Variants in DENND4B observed in about 807,000 individuals in gnomAD.
DENND4B encodes the protein DENN domain containing 4B.
A neutral mutation model predicts 161.0 loss-of-function variants in DENND4B; 67 were observed. That is an observed-to-expected ratio of 0.42 (90% CI 0.34 to 0.51). DENND4B has a LOEUF of 0.51. Ranked by LOEUF, DENND4B falls within the 20% of genes least tolerant of loss-of-function variation. DENND4B has a pLI of 0.08. For missense variants in DENND4B, 1,481 were observed against 1,968.0 expected (o/e 0.75, Z 4.68); for synonymous variants, 753 against 813.8 (o/e 0.93, Z 1.27).
At chr1:153,938,822 G>T in intron 13 of DENND4B, 78 bp downstream of exon 13, 1 of 1,498,516 alleles carries the variant, frequency 6.7e-7, no homozygotes, top group Non-Finnish European at 9.1e-7. Context: ...GCCCGATTCC[G>T]TCTAAAATGG....
Position 153,933,899 on chromosome 1 carries a change from A to G in DENND4B, c.2942-28T>C, listed in dbSNP as rs1399182187. The G allele has an allele frequency of 5.6e-6, 9 of 1,596,390 alleles. No homozygotes were observed. Among genetic ancestry groups the G allele is most frequent in the Admixed American group, 3.7e-5 (2 of 53,380 alleles). On this transcript the variant is annotated intron_variant, in intron 19 of 27. Transcript: ENST00000361217. This position sits in a 1 kb window ranked among gnomAD's most constrained non-coding sequence, Gnocchi z 5.7. Reference sequence around the variant, plus strand: ...GCAGCACAGAAAAGAATGAGGGAAGATGGACCCCAGCCTCTGCACCAACTT... The same window carrying G: ...GCAGCACAGAAAAGAATGAGGGAAGGTGGACCCCAGCCTCTGCACCAACTT...
chr1:153,932,741 G>A lies in DENND4B; in HGVS notation c.3660C>T (p.Ser1220=), dbSNP rs1571032664. The change falls in exon 23 of 28, where the codon AGC becomes AGT. Residue 1220 remains serine, a synonymous_variant. Transcript: ENST00000361217. This position sits in a 1 kb window ranked among gnomAD's most constrained non-coding sequence, Gnocchi z 5.8. ...GACCACCAGGGACAGGAGCATCTTT[G>A]CTGCCACTGGCACCAGCAGATTTGG... ...PSPKSAGASG[S]KDAPVPGGPG... 9.3e-6 allele frequency: 15 copies of A among 1,613,908 alleles called. 1 individual carries two copies. In the Admixed American group the frequency reaches 2.3e-4, roughly 25 times the overall value.
chr1:153,943,750 G>A (rs527884802), intron 2 of DENND4B, among the ~76,000 whole-genome samples: 1 of 150,534 alleles, frequency 6.6e-6, no homozygotes, highest in African/African-American at 2.4e-5. Flanking sequence ...TGTCACATGG[G>A]TTATCTCATT....
intron 6 of DENND4B, 37 bp from the exon 7 acceptor site, chr1:153,941,477 C>A (rs372799507): frequency 1.3e-6 from 2 of 1,583,080 alleles, no homozygotes; most frequent in East Asian, 2.3e-5. Context: ...CATACTCCCC[C>A]GTCCATCCCT....
chr1:153,940,154 A>T lies in DENND4B; in HGVS notation c.1603+2T>A. The stretch of plus-strand genomic sequence containing the variant: ...GCCTCCCTCCCCACCCAGGCTTCTC[A>T]CTCTGGTCCAGCTGCTGGTACAGGT... On this transcript the variant is annotated splice_donor_variant, in intron 11 of 27. Coordinates refer to ENST00000361217, the MANE Select transcript of DENND4B (RefSeq NM_014856.3). LOFTEE classifies it high-confidence loss of function. This position sits in a 1 kb window ranked among gnomAD's most constrained non-coding sequence, Gnocchi z 5.6. 1 of 1,557,772 alleles carries T rather than the reference A, an allele frequency of 6.4e-7. No homozygotes were observed. Among genetic ancestry groups the T allele is most frequent in the Non-Finnish European group, 8.7e-7 (1 of 1,154,940 alleles).
rs372540542 is a variant in DENND4B at position 153,933,475 on chromosome 1, C to G, written c.3330+8G>C. On this transcript the variant is annotated splice_region_variant and intron_variant, in intron 20 of 27. Coordinates refer to ENST00000361217, the MANE Select transcript of DENND4B (RefSeq NM_014856.3). This position sits in a 1 kb window ranked among gnomAD's most constrained non-coding sequence, Gnocchi z 5.7. ...GCTAAGGCATCTGGACCCTCCTTCA[C>G]TGGCTACCTCGGAGGCAGTGGATCC... 13 of 1,566,186 alleles carry G rather than the reference C, an allele frequency of 8.3e-6. No homozygotes were observed. The highest frequency in any genetic ancestry group is 1.1e-5 in the Non-Finnish European group (13 of 1,155,778).
chr1:153,937,340 G>C lies in DENND4B; in HGVS notation c.2232+148C>G. 8.7e-7 allele frequency: 1 copy of C among 1,147,152 alleles called. No homozygotes were observed. The highest frequency in any genetic ancestry group is 2.7e-5 in the East Asian group (1 of 37,706). The allele number at this position is 1,147,152 out of a possible 1,614,324, so 71.1% of individuals were successfully genotyped here. On this transcript the variant is annotated intron_variant, in intron 15 of 27. Transcript: ENST00000361217. This position sits in a 1 kb window ranked among gnomAD's most constrained non-coding sequence, Gnocchi z 4.7. ...ATAATAGCAACTAATGTTTATACAGGGTTGCTTATGTGCCAAGCACATTTA... is the reference window on the plus strand; with the variant it reads ...ATAATAGCAACTAATGTTTATACAGCGTTGCTTATGTGCCAAGCACATTTA...
At position 153,938,910 on chromosome 1, in the gene DENND4B, CAA is replaced by C; in HGVS notation, c.1953_1954del (p.Val653Ter). 6.3e-7 allele frequency: 1 copy of C among 1,588,766 alleles called. No individual in the cohort carries two copies. The highest frequency in any genetic ancestry group is 8.6e-7 in the Non-Finnish European group (1 of 1,167,342). On this transcript the variant is annotated frameshift_variant, in exon 13 of 28. Coordinates refer to ENST00000361217, the MANE Select transcript of DENND4B (RefSeq NM_014856.3). LOFTEE classifies it high-confidence loss of function. The stretch of plus-strand genomic sequence containing the variant: ...GAGAAGGGATGATACCTTTTCAACA[CAA>C]GAGTCAAAGAATTCAAGGGCAGCAT...
chr1:153,939,733 T>C lies in DENND4B; in HGVS notation c.1675A>G (p.Arg559Gly). ...LTDYEAVCGRRARLEREVQGA... is the reference protein window; with the variant it reads ...LTDYEAVCGRGARLEREVQGA... ...TGGACTTCGCGCTCCAGCCGGGCCC[T>C]GCGGCCACACACTGCCTCGTAGTCT... The change falls in exon 12 of 28, where the codon AGG (arginine) becomes GGG (glycine). Residue 559 changes from arginine (R) to glycine (G), a missense_variant. This residue lies in a region of DENND4B where 806 missense variants were observed against 1,134.4 expected (regional missense o/e 0.71). Transcript: ENST00000361217. 6.2e-7 allele frequency: 1 copy of C among 1,613,930 alleles called. No homozygotes were observed. The highest frequency in any genetic ancestry group is 8.5e-7 in the Non-Finnish European group (1 of 1,179,876).
chr1:153,933,077 A>T lies in DENND4B; in HGVS notation c.3454-47T>A. The T allele has an allele frequency of 6.2e-7, 1 of 1,609,188 alleles. No homozygotes were observed. The highest frequency in any genetic ancestry group is 8.5e-7 in the Non-Finnish European group (1 of 1,176,862). On this transcript the variant is annotated intron_variant, in intron 21 of 27. Coordinates refer to ENST00000361217, the MANE Select transcript of DENND4B (RefSeq NM_014856.3). The surrounding 1 kb of genome is among the most constrained non-coding windows in gnomAD (Gnocchi z 5.7). ...AAGTAGGTGCTGTCTGGCCGCCAGC[A>T]CTCTGGAGCCCATGCCCCTTCCCCA...
rs1679659876 is a variant in DENND4B, at chr1:153,941,366, G to T, written c.1122+8C>A. On this transcript the variant is annotated splice_region_variant and intron_variant, in intron 7 of 27. Coordinates refer to ENST00000361217, the MANE Select transcript of DENND4B (RefSeq NM_014856.3). Reference sequence around the variant, plus strand: ...TTCCATCAGCCCGGCCCCAGCCTCAGCTCTCACCTGCACTAGGATGCGGGG... The same window carrying T: ...TTCCATCAGCCCGGCCCCAGCCTCATCTCTCACCTGCACTAGGATGCGGGG... 1 of 1,613,476 alleles carries T rather than the reference G, an allele frequency of 6.2e-7. No individual in the cohort carries two copies. Among genetic ancestry groups the T allele is most frequent in the African/African-American group, 1.3e-5 (1 of 74,894 alleles).
intron 24 of DENND4B, 71 bp from the exon 25 acceptor site, chr1:153,931,135 T>G: frequency 7.9e-7 from 1 of 1,266,354 alleles, no homozygotes; most frequent in Non-Finnish European, 1.1e-6. Flanking sequence ...AACGGACAGG[T>G]GATGCCAAAG....
chr1:153,937,649 C>CA lies in DENND4B; in HGVS notation c.2106-36dup. On this transcript the variant is annotated intron_variant, in intron 14 of 27. Coordinates refer to ENST00000361217, the MANE Select transcript of DENND4B (RefSeq NM_014856.3). The surrounding 1 kb of genome is among the most constrained non-coding windows in gnomAD (Gnocchi z 4.7). ...CAGAGAGAAGCAACATCGGGGCAGT[C>CA]AGCACAGGGCGAAGCGAGTTGGACT... The CA allele has an allele frequency of 6.2e-7, 1 of 1,611,486 alleles. No individual in the cohort carries two copies. The highest frequency in any genetic ancestry group is 8.5e-7 in the Non-Finnish European group (1 of 1,178,110).
chr1:153,937,351 T>C lies in DENND4B; in HGVS notation c.2232+137A>G. ...TAATGTTTATACAGGGTTGCTTATG[T>C]GCCAAGCACATTTAAACTCCTAACA... On this transcript the variant is annotated intron_variant, in intron 15 of 27. Transcript: ENST00000361217. The surrounding 1 kb of genome is among the most constrained non-coding windows in gnomAD (Gnocchi z 4.7). The C allele has an allele frequency of 7.7e-7, 1 of 1,292,966 alleles. No homozygotes were observed. Among genetic ancestry groups the C allele is most frequent in the Non-Finnish European group, 1.0e-6 (1 of 978,772 alleles). The allele number at this position is 1,292,966 out of a possible 1,614,324, so 80.1% of individuals were successfully genotyped here.
chr1:153,942,645 A>T lies in DENND4B; in HGVS notation c.571-20T>A. 6.3e-7 allele frequency: 1 copy of T among 1,577,332 alleles called. No individual in the cohort carries two copies. Among genetic ancestry groups the T allele is most frequent in the Non-Finnish European group, 8.6e-7 (1 of 1,163,042 alleles). On this transcript the variant is annotated intron_variant, in intron 3 of 27. Coordinates refer to ENST00000361217, the MANE Select transcript of DENND4B (RefSeq NM_014856.3). The surrounding 1 kb of genome is among the most constrained non-coding windows in gnomAD (Gnocchi z 6.9). The stretch of plus-strand genomic sequence containing the variant: ...GCCCCACTACCCCAGAAATGGCAAG[A>T]GACAAGCAGATACATAGCTAACAAA...
Position 153,942,251 on chromosome 1 carries a change from G to A in DENND4B, c.746C>T (p.Ala249Val), listed in dbSNP as rs1358386374. 1.2e-6 allele frequency: 2 copies of A among 1,613,810 alleles called. No homozygotes were observed. The highest frequency in any genetic ancestry group is 2.2e-5 in the East Asian group (1 of 44,868). ...PMGATIECWPAQTKYPVPVFS... is the reference protein window; with the variant it reads ...PMGATIECWPVQTKYPVPVFS... The stretch of plus-strand genomic sequence containing the variant: ...GACGGGCACGGGGTACTTGGTCTGG[G>A]CAGGCCAGCACTCGATAGTGGCCCC... The change falls in exon 5 of 28, where the codon GCC becomes GTC. Residue 249 changes from alanine to valine, a missense_variant. Ala to Val is a moderately conservative substitution (Grantham distance 64). Around this residue, in one of 3 missense-constraint regions of DENND4B, gnomAD observed 806 missense variants for 1,134.4 expected, o/e 0.71. Transcript: ENST00000361217. This position sits in a 1 kb window ranked among gnomAD's most constrained non-coding sequence, Gnocchi z 6.9.
At position 153,933,613 on chromosome 1, in the gene DENND4B, GGAGT is replaced by G; in HGVS notation, c.3196_3199del (p.Thr1066LeufsTer63). On this transcript the variant is annotated frameshift_variant, in exon 20 of 28. Transcript: ENST00000361217. LOFTEE classifies it high-confidence loss of function. The surrounding 1 kb of genome is among the most constrained non-coding windows in gnomAD (Gnocchi z 5.7). ...GCGGGAGGCAGGGGAGTGGCGGGAA[GGAGT>G]GAGCAGCTGTTGGAGGCGGGCACCC... The G allele has an allele frequency of 6.4e-7, 1 of 1,557,086 alleles. No homozygotes were observed. Among genetic ancestry groups the G allele is most frequent in the Non-Finnish European group, 8.7e-7 (1 of 1,155,012 alleles).
chr1:153,940,422 G>A lies in DENND4B; in HGVS notation c.1502+9C>T. 1 of 1,610,600 alleles carries A rather than the reference G, an allele frequency of 6.2e-7. No homozygotes were observed. The highest frequency in any genetic ancestry group is 2.2e-5 in the East Asian group (1 of 44,832). ...CCCTGCAGCCCCCAAATGAGACCCAGCCTCTTACTGGAAGAGCGTGTTGGT... is the reference window on the plus strand; with the variant it reads ...CCCTGCAGCCCCCAAATGAGACCCAACCTCTTACTGGAAGAGCGTGTTGGT... On this transcript the variant is annotated intron_variant, in intron 10 of 27. Transcript: ENST00000361217. The surrounding 1 kb of genome is among the most constrained non-coding windows in gnomAD (Gnocchi z 5.6).
chr1:153,945,033 C>A, intron 1 of DENND4B: 1 of 1,212,228 alleles, frequency 8.2e-7, no homozygotes, highest in Non-Finnish European at 1.1e-6. Flanking sequence ...TTAGGTAGCT[C>A]GTTAGATCCA....
Sources: gnomAD v4.1 joint callset for allele counts (sites outside exome capture counted in the v4.1 genomes callset) on GRCh38, gnomAD v4.1.1 for gene constraint, gnomAD v4.1.1 regional missense constraint, Gnocchi (gnomAD v3.1) non-coding constraint, MANE v1.5 for transcripts, NCBI Gene and HGNC (gene_info 2026-07-23, HGNC 2026-07-21) for gene names.